MFAP3L: variants seen among roughly 807,000 people sequenced by gnomAD.
MFAP3L encodes microfibrillar-associated protein 3-like.
MFAP3L carries 5 observed loss-of-function variants against 20.0 expected under a neutral mutation model. The ratio of observed to expected loss-of-function variants is 0.25; its 90% confidence interval spans 0.13 to 0.53. MFAP3L has a LOEUF of 0.53. MFAP3L is among the 20% of genes least tolerant of loss of function. MFAP3L has a pLI of 0.96. For synonymous variants in MFAP3L, 219 were observed against 213.0 expected (o/e 1.03, Z -0.25); for missense variants, 409 against 527.5 (o/e 0.78, Z 2.20).
At chr4:169,993,556 T>C (rs879793959) in intron 2 of MFAP3L, 4 of 152,210 alleles carry the variant, frequency 2.6e-5, no homozygotes, top group Non-Finnish European at 4.4e-5. Context: ...AGGGTTCCAA[T>C]GGACTACGGA....
At chr4:170,010,808 C>G (rs59303844) in intron 1 of MFAP3L, among the ~76,000 whole-genome samples, 31,240 of 149,730 alleles carry the variant, frequency 0.21, 6,002 homozygotes, top group African/African-American at 0.52. Context: ...CACTGCATTG[C>G]GGGGGGGTGG....
intron 1 of MFAP3L, among the ~76,000 whole-genome samples, chr4:170,021,146 A>C (rs898142629): frequency 2.0e-5 from 3 of 152,186 alleles, no homozygotes; most frequent in Non-Finnish European, 4.4e-5. Context: ...AATATTGGGA[A>C]TAGCTAAGGG....
chr4:170,004,039 G>A (rs770915515), intron 2 of MFAP3L, among the ~76,000 whole-genome samples: 4 of 152,110 alleles, frequency 2.6e-5, no homozygotes, highest in Admixed American at 2.0e-4. Context: ...TCACTGCAAC[G>A]CCTGCCTCCT....
intron 1 of MFAP3L, among the ~76,000 whole-genome samples, chr4:170,022,189 T>C (rs1381102085): frequency 1.3e-5 from 2 of 152,230 alleles, no homozygotes; most frequent in African/African-American, 4.8e-5. Flanking sequence ...ATTTCATACA[T>C]GCATACAAAT....
At chr4:170,020,075 G>A (rs1299967236) in intron 1 of MFAP3L, among the ~76,000 whole-genome samples, 1 of 152,042 alleles carries the variant, frequency 6.6e-6, no homozygotes, top group Non-Finnish European at 1.5e-5. Context: ...CTGTGTGTGG[G>A]GCTTTGCAGC....
At chr4:170,021,878 GC>G (rs1307462213) in intron 1 of MFAP3L, among the ~76,000 whole-genome samples, 1 of 152,164 alleles carries the variant, frequency 6.6e-6, no homozygotes, top group Non-Finnish European at 1.5e-5. Flanking sequence ...CAAATATGGA[GC>G]CCATCGCAAA....
In MFAP3L at chr4:170,005,832, C is replaced by T. The variant is rs1738996960; in HGVS notation, c.46G>A (p.Val16Met). 5.6e-6 allele frequency: 9 copies of T among 1,614,174 alleles called. No homozygotes were observed. The highest frequency in any genetic ancestry group is 7.6e-6 in the Non-Finnish European group (9 of 1,180,032). The change falls in exon 2 of 3, where the codon GTG (valine) becomes ATG (methionine). Residue 16 changes from valine to methionine, a missense_variant. Val to Met is a conservative substitution (Grantham distance 21). Transcript: ENST00000361618. ...SHLTVCFLPS[V>M]PFLILVSTLA... ...GTGGATACTAGGATTAAAAAGGGCA[C>T]AGAAGGTAGAAAGCACACAGTCAGA...
chr4:169,991,234 G>A lies in MFAP3L; in HGVS notation c.*144C>T, dbSNP rs1427639064. Reference sequence around the variant, plus strand: ...ATTCCAGTCCCATTCACTGCAGGCAGGTGTTTCTCCTTTTAAAGTGGCATC... The same window carrying A: ...ATTCCAGTCCCATTCACTGCAGGCAAGTGTTTCTCCTTTTAAAGTGGCATC... On this transcript the variant is annotated 3_prime_UTR_variant, in exon 3 of 3. Transcript: ENST00000361618. This position sits in a 1 kb window ranked among gnomAD's most constrained non-coding sequence, Gnocchi z 4.9. The A allele has an allele frequency of 1.2e-6, 1 of 822,228 alleles. No homozygotes were observed. Among genetic ancestry groups the A allele is most frequent in the African/African-American group, 1.7e-5 (1 of 58,254 alleles). The allele number at this position is 822,228 out of a possible 1,614,324, so 50.9% of individuals were successfully genotyped here. A position where few individuals can be genotyped will look rare whatever the true frequency, so the allele number is the denominator to read the frequency against.
At position 170,012,960 on chromosome 4, in the gene MFAP3L, A is replaced by AT. The variant is rs781028158; in HGVS notation, c.-133-6951dup. Among the ~76,000 whole-genome samples, 139 of 149,934 alleles carry AT rather than the reference A, an allele frequency of 9.3e-4. 1 individual carries two copies. The East Asian group carries it at 0.015, about 16-fold the overall frequency. On this transcript the variant is annotated intron_variant, in intron 1 of 2. Coordinates refer to ENST00000361618, the MANE Select transcript of MFAP3L (RefSeq NM_021647.8). ...CTACAGAATTTTATTTTATGCTGTT[A>AT]TTTTTTTTTTGATACACAGAAGGCA...
intron 1 of MFAP3L, among the ~76,000 whole-genome samples, chr4:170,020,600 C>T (rs955027046): frequency 2.0e-5 from 3 of 147,766 alleles, no homozygotes; most frequent in Non-Finnish European, 4.5e-5. Flanking sequence ...TCCCTGACTG[C>T]ATCTCTGGAG....
intron 2 of MFAP3L, chr4:169,997,726 C>T (rs531755397): frequency 2.0e-5 from 20 of 984,806 alleles, no homozygotes; most frequent in East Asian, 2.3e-4. Flanking sequence ...CGGTAGCTCA[C>T]GGCCCTTCTA....
At chr4:170,026,205 G>GC (rs2111096994) in intron 1 of MFAP3L, 29 bp downstream of exon 1, 1 of 983,450 alleles carries the variant, frequency 1.0e-6, no homozygotes, top group East Asian at 1.1e-4. Context: ...GTGCCCCTCC[G>GC]CCCCGGCCCG....
Position 169,989,117 on chromosome 4 carries a change from C to T in MFAP3L, c.*2261G>A, listed in dbSNP as rs1737477762. The T allele has an allele frequency of 6.6e-6, 1 of 152,154 alleles. No homozygotes were observed. The highest frequency in any genetic ancestry group is 2.4e-5 in the African/African-American group (1 of 41,436). 9.4% of individuals were successfully genotyped at this position (152,154 alleles called of 1,614,324 possible). ...GTAATGAATCTGTGGACCTCCATGA[C>T]AACTGGAAAATTTTTATATTCTAAG... is the stretch of plus-strand genomic sequence containing the variant. On this transcript the variant is annotated 3_prime_UTR_variant, in exon 3 of 3. Transcript: ENST00000361618.
intron 2 of MFAP3L, among the ~76,000 whole-genome samples, chr4:169,995,441 T>C (rs1360073173): frequency 2.0e-5 from 3 of 152,186 alleles, no homozygotes; most frequent in Non-Finnish European, 4.4e-5. Flanking sequence ...TTCTGCACAT[T>C]CTACTGCCAC....
intron 2 of MFAP3L, among the ~76,000 whole-genome samples, chr4:170,002,856 CAAAA>C (rs992245038): frequency 6.8e-5 from 10 of 147,368 alleles, no homozygotes; most frequent in Non-Finnish European, 1.5e-4. Flanking sequence ...AAAAAAAAAA[CAAAA>C]AACAAAACAC....
At chr4:170,004,474 G>GT (rs1370218130) in intron 2 of MFAP3L, among the ~76,000 whole-genome samples, 9 of 152,190 alleles carry the variant, frequency 5.9e-5, no homozygotes, top group Admixed American at 5.9e-4. Flanking sequence ...CAAAAGCAAT[G>GT]TAAGTGACAG....
intron 2 of MFAP3L, among the ~76,000 whole-genome samples, chr4:170,002,500 A>G (rs1738707159): frequency 6.6e-6 from 1 of 152,070 alleles, no homozygotes; most frequent in African/African-American, 2.4e-5. Context: ...CTAGGATATT[A>G]GTATCATTTT....
At chr4:169,996,058 G>T (rs1228030352) in intron 2 of MFAP3L, among the ~76,000 whole-genome samples, 1 of 117,290 alleles carries the variant, frequency 8.5e-6, no homozygotes, top group African/African-American at 3.5e-5. Flanking sequence ...CTCTCTCTCA[G>T]CTCCTGTTCT....
chr4:169,991,320 T>A lies in MFAP3L; in HGVS notation c.*58A>T. ...CTTAGCGGCAAGTGCGTACTACATC[T>A]GTATTACAAGGAGCAGCCCCTGATT... is the stretch of plus-strand genomic sequence containing the variant. On this transcript the variant is annotated 3_prime_UTR_variant, in exon 3 of 3. Coordinates refer to ENST00000361618, the MANE Select transcript of MFAP3L (RefSeq NM_021647.8). The surrounding 1 kb of genome is among the most constrained non-coding windows in gnomAD (Gnocchi z 4.9). 1 of 1,533,952 alleles carries A rather than the reference T, an allele frequency of 6.5e-7. No homozygotes were observed. Among genetic ancestry groups the A allele is most frequent in the Non-Finnish European group, 8.8e-7 (1 of 1,131,450 alleles).
Sources: gnomAD v4.1 joint callset for allele counts (sites outside exome capture counted in the v4.1 genomes callset) on GRCh38, gnomAD v4.1.1 for gene constraint, Gnocchi (gnomAD v3.1) non-coding constraint, MANE v1.5 for transcripts, NCBI Gene and HGNC (gene_info 2026-07-23, HGNC 2026-07-21) for gene names.